NBDY: variants seen among roughly 807,000 people sequenced by gnomAD.
The protein encoded by NBDY is negative regulator of P-body association.
intron 2 of NBDY, among the ~76,000 whole-genome samples, chrX:56,788,608 G>A (rs969991158): frequency 2.7e-5 from 3 of 110,661 alleles, no homozygotes; most frequent in African/African-American, 9.9e-5. Context: ...TCAGCACCCC[G>A]TAGCTCCTTT....
At chrX:56,767,161 G>C (rs1276940610) in intron 2 of NBDY, among the ~76,000 whole-genome samples, 1 of 113,582 alleles carries the variant, frequency 8.8e-6, no homozygotes, top group Admixed American at 9.2e-5. Flanking sequence ...TTTTCCAGTA[G>C]CCATGATTAT....
At chrX:56,804,181 G>A (rs935251446) in intron 2 of NBDY, among the ~76,000 whole-genome samples, 6 of 112,052 alleles carry the variant, frequency 5.4e-5, no homozygotes, top group Admixed American at 9.4e-5. Flanking sequence ...TGAGCACTAC[G>A]CTTGTAAATA....
In NBDY at chrX:56,767,412, C is replaced by G. The variant is rs563843046; in HGVS notation, c.*166+35213C>G. Among the ~76,000 whole-genome samples, 53 of 113,499 alleles carry G rather than the reference C, an allele frequency of 4.7e-4. No individual in the cohort carries two copies. The South Asian group carries it at 0.018, about 39-fold the overall frequency. ...GGCCGCCCTTGAGGAGCCCCTCAGC[C>G]CGCCGCTACACTGTGGGAGCCCCTG... On this transcript the variant is annotated intron_variant, in intron 2 of 2. Transcript: ENST00000374922.
At chrX:56,812,217 C>CT (rs754732352) in intron 2 of NBDY, among the ~76,000 whole-genome samples, 6 of 86,952 alleles carry the variant, frequency 6.9e-5, no homozygotes, top group Admixed American at 1.4e-4. Flanking sequence ...CAGCTTCCCA[C>CT]TTTTTTTTAT....
chrX:56,808,389 G>A (rs941349251), intron 2 of NBDY, among the ~76,000 whole-genome samples: 1 of 111,702 alleles, frequency 9.0e-6, no homozygotes, highest in African/African-American at 3.3e-5. Flanking sequence ...TCTGGTCCTG[G>A]ACTCTTTTTT....
intron 2 of NBDY, among the ~76,000 whole-genome samples, chrX:56,781,415 G>A (rs1202402693): frequency 9.0e-6 from 1 of 111,715 alleles, no homozygotes; most frequent in Non-Finnish European, 1.9e-5. Context: ...CAGTCTCCTG[G>A]CCCAACAGAT....
chrX:56,782,587 T>C (rs1017772574), intron 2 of NBDY, among the ~76,000 whole-genome samples: 2 of 112,155 alleles, frequency 1.8e-5, no homozygotes, highest in African/African-American at 6.5e-5. Flanking sequence ...TGCTTTTAAG[T>C]GAAATGTCAT....
At chrX:56,748,751 G>C (rs1445384294) in intron 2 of NBDY, among the ~76,000 whole-genome samples, 2 of 103,175 alleles carry the variant, frequency 1.9e-5, no homozygotes, top group Non-Finnish European at 2.0e-5. Flanking sequence ...GTTTATTGGT[G>C]AATTTAGCAT....
intron 2 of NBDY, among the ~76,000 whole-genome samples, chrX:56,764,012 T>G (rs2069652817): frequency 8.9e-6 from 1 of 112,097 alleles, no homozygotes; most frequent in South Asian, 3.7e-4. Flanking sequence ...GCAAAAGAGA[T>G]GGCGGCATGG....
At chrX:56,730,036 G>T (rs1250615850) in intron 1 of NBDY, among the ~76,000 whole-genome samples, 1 of 109,440 alleles carries the variant, frequency 9.1e-6, no homozygotes, top group Non-Finnish European at 1.9e-5. Context: ...AAAAGCATCT[G>T]TTGAAGGCCA....
chrX:56,781,288 T>C (rs777536672), intron 2 of NBDY, among the ~76,000 whole-genome samples: 2 of 111,986 alleles, frequency 1.8e-5, no homozygotes, highest in East Asian at 5.6e-4. Flanking sequence ...AGGAGGTAGT[T>C]GTTAAGCTTT....
intron 2 of NBDY, among the ~76,000 whole-genome samples, chrX:56,799,433 C>T (rs1419340731): frequency 8.8e-6 from 1 of 113,353 alleles, no homozygotes; most frequent in African/African-American, 3.2e-5. Flanking sequence ...GCCCACTGGG[C>T]TGACTGGTCT....
chrX:56,812,257 T>A (rs767506643), intron 2 of NBDY, among the ~76,000 whole-genome samples: 1 of 92,919 alleles, frequency 1.1e-5, no homozygotes, highest in South Asian at 6.3e-4. Flanking sequence ...AGTCCACTTG[T>A]GGTTTGGGGA....
chrX:56,787,304 ACACACG>A (rs2069734736), intron 2 of NBDY, among the ~76,000 whole-genome samples: 1 of 109,987 alleles, frequency 9.1e-6, no homozygotes, highest in Non-Finnish European at 1.9e-5. Flanking sequence ...GCCCAAGCAG[ACACACG>A]CACACACACA....
intron 2 of NBDY, among the ~76,000 whole-genome samples, chrX:56,804,053 G>A (rs1309490209): frequency 9.0e-6 from 1 of 110,782 alleles, no homozygotes; most frequent in East Asian, 2.9e-4. Context: ...TCGCACTGGG[G>A]GCAATGTGAA....
intron 2 of NBDY, among the ~76,000 whole-genome samples, chrX:56,745,916 C>T (rs973777872): frequency 9.0e-6 from 1 of 111,261 alleles, no homozygotes; most frequent in Non-Finnish European, 1.9e-5. Context: ...CTAGTTTATC[C>T]CAAGAGCATA....
At chrX:56,811,055 CCT>C (rs1294189910) in intron 2 of NBDY, 5 of 112,642 alleles carry the variant, frequency 4.4e-5, no homozygotes, top group African/African-American at 1.6e-4. Context: ...CACTCCAGAC[CCT>C]GTTTGCCTGG....
chrX:56,741,177 T>C (rs1390974829), intron 2 of NBDY, among the ~76,000 whole-genome samples: 1 of 112,048 alleles, frequency 8.9e-6, no homozygotes, highest in Non-Finnish European at 1.9e-5. Flanking sequence ...GATCTCATTC[T>C]TTTTTATGAC....
At chrX:56,795,424 C>T (rs1329244284) in intron 2 of NBDY, among the ~76,000 whole-genome samples, 3 of 112,287 alleles carry the variant, frequency 2.7e-5, no homozygotes, top group African/African-American at 6.5e-5. Context: ...AAGCCATGAC[C>T]GTGTTGCTCT....
Sources: allele counts gnomAD v4.1 joint callset (sites outside exome capture counted in the v4.1 genomes callset), GRCh38; gene constraint gnomAD v4.1.1; transcripts MANE v1.5; gene names NCBI Gene and HGNC (gene_info 2026-07-23, HGNC 2026-07-21).